The following ACTR3C variants were observed in gnomAD, a reference collection of about 807,000 sequenced individuals.
ACTR3C encodes actin-related protein 3C.
Under a neutral mutation model 26.3 loss-of-function variants are expected in ACTR3C, and 18 were observed. The ratio of observed to expected loss-of-function variants is 0.68; its 90% CI spans 0.47 to 1.01. The LOEUF (loss-of-function observed/expected upper bound fraction) is 1.01, where lower values mean the gene tolerates loss of function less well. ACTR3C is among the 50% of genes least tolerant of loss of function. The pLI is 0.00. For missense variants in ACTR3C, 184 were observed against 250.7 expected (o/e 0.73, Z 1.80); for synonymous variants, 55 against 94.5 (o/e 0.58, Z 2.42).
At chr7:150,091,081 C>T in the ACTR3C span, among the ~76,000 whole-genome samples, 2 of 150,418 alleles carry the variant, frequency 1.3e-5, no homozygotes, top group African/African-American at 4.9e-5. Context: ...TGGAGAACAT[C>T]ATGAATTTCA....
At chr7:150,069,988 A>T in the ACTR3C span, among the ~76,000 whole-genome samples, 1 of 152,134 alleles carries the variant, frequency 6.6e-6, no homozygotes, top group African/African-American at 2.4e-5. Context: ...CGTCAGATCC[A>T]ATGGGGAAGC....
At chr7:149,960,832 T>C in the ACTR3C span, among the ~76,000 whole-genome samples, 43 of 152,330 alleles carry the variant, frequency 2.8e-4, no homozygotes, top group Admixed American at 5.2e-4. Context: ...TAAAGAATCA[T>C]GTGCAAGAAT....
the ACTR3C span, among the ~76,000 whole-genome samples, chr7:150,035,093 G>T: frequency 2.9e-5 from 4 of 138,478 alleles, 1 homozygote; most frequent in Non-Finnish European, 6.3e-5. Context: ...TTTCTACTTG[G>T]ACACCTAAAA....
chr7:150,255,869 C>A (rs1210265326), intron 6 of ACTR3C, among the ~76,000 whole-genome samples: 1 of 152,182 alleles, frequency 6.6e-6, no homozygotes, highest in East Asian at 1.9e-4. Context: ...ATTACAAATT[C>A]TATTTGACTG....
chr7:150,272,439 G>T (rs1834520471), intron 6 of ACTR3C, among the ~76,000 whole-genome samples: 1 of 139,418 alleles, frequency 7.2e-6, no homozygotes, highest in Non-Finnish European at 1.5e-5. Flanking sequence ...TTCAACTCAA[G>T]TGACTATCCA....
chr7:149,999,487 C>T, the ACTR3C span, among the ~76,000 whole-genome samples: 1 of 150,648 alleles, frequency 6.6e-6, no homozygotes, highest in African/African-American at 2.4e-5. Context: ...TGTTGTCAGA[C>T]TCAGCCTCTT....
chr7:150,208,203 G>C, the ACTR3C span, among the ~76,000 whole-genome samples: 1 of 152,152 alleles, frequency 6.6e-6, no homozygotes, highest in African/African-American at 2.4e-5. Context: ...GGGCCCAGGA[G>C]ACTCTGAGCT....
rs542569194 is a variant in ACTR3C, at chr7:150,300,093, C to T, written c.-51-4746G>A. Among the ~76,000 whole-genome samples, 226 of 152,232 alleles carry T rather than the reference C, an allele frequency of 1.5e-3. 2 individuals are homozygous for T. The highest frequency in any genetic ancestry group is 0.014 in the Admixed American group (207 of 15,290). On this transcript the variant is annotated intron_variant, in intron 1 of 7. Transcript: ENST00000683684. ...GCTAGCCGGGCGCAATGGCTCACAC[C>T]TATAATGCCAACACTTTAGGAGGCT...
intron 6 of ACTR3C, among the ~76,000 whole-genome samples, chr7:150,276,051 C>T (rs1352643052): frequency 2.0e-5 from 3 of 152,134 alleles, no homozygotes; most frequent in African/African-American, 7.2e-5. Flanking sequence ...TTTAAACCAC[C>T]TCTGCAGATG....
the ACTR3C span, among the ~76,000 whole-genome samples, chr7:149,895,885 G>A: frequency 5.3e-5 from 8 of 152,110 alleles, no homozygotes; most frequent in Non-Finnish European, 1.2e-4. Context: ...CCTTGTGACT[G>A]AATTTCAGGA....
At chr7:150,059,468 A>G in the ACTR3C span, among the ~76,000 whole-genome samples, 4 of 152,146 alleles carry the variant, frequency 2.6e-5, no homozygotes, top group African/African-American at 9.7e-5. Context: ...CTGGAGGCAA[A>G]TGTGTGTCAA....
the ACTR3C span, among the ~76,000 whole-genome samples, chr7:150,023,306 G>T: frequency 4.1e-5 from 2 of 48,636 alleles, no homozygotes; most frequent in African/African-American, 1.5e-4. Flanking sequence ...TAGATAGATA[G>T]ATAGATAGAT....
At chr7:150,019,140 G>A in the ACTR3C span, among the ~76,000 whole-genome samples, 1 of 150,270 alleles carries the variant, frequency 6.7e-6, no homozygotes, top group East Asian at 1.9e-4. Flanking sequence ...ACATGAAAGA[G>A]ATGATATATA....
In ACTR3C at chr7:150,253,015, G is replaced by A. The variant is rs1832959153; in HGVS notation, c.565-3961C>T. 1.3e-5 allele frequency among the ~76,000 whole-genome samples: 2 copies of A among 151,554 alleles called. 1 individual carries two copies. Among genetic ancestry groups the A allele is most frequent in the African/African-American group, 4.9e-5 (2 of 40,800 alleles). ...ACTCTTTTCTGCAGGTTGTGGATGA[G>A]AGAGCTGCCCCATGGCTGGGCTGTT... On this transcript the variant is annotated intron_variant, in intron 6 of 7. Transcript: ENST00000683684.
At chr7:149,961,640 A>G in the ACTR3C span, among the ~76,000 whole-genome samples, 1 of 151,868 alleles carries the variant, frequency 6.6e-6, no homozygotes, top group Non-Finnish European at 1.5e-5. Flanking sequence ...GCTCACAGGA[A>G]GTATACACAT....
chr7:149,983,429 T>TTGTATGTATGTGTGTGTGTG, the ACTR3C span, among the ~76,000 whole-genome samples: 3 of 15,640 alleles, frequency 1.9e-4, no homozygotes, highest in African/African-American at 4.2e-4. Flanking sequence ...GGTGTGTGTG[T>TTGTATGTATGTGTGTGTGTG]TGTGTGTATG....
At chr7:150,036,680 T>C in the ACTR3C span, among the ~76,000 whole-genome samples, 40 of 139,464 alleles carry the variant, frequency 2.9e-4, 3 homozygotes, top group African/African-American at 8.3e-4. Context: ...CTCCGGTAGA[T>C]TGCAAATAAC....
the ACTR3C span, among the ~76,000 whole-genome samples, chr7:150,039,547 G>A: frequency 1.1e-4 from 12 of 108,168 alleles, no homozygotes; most frequent in African/African-American, 3.7e-4. Flanking sequence ...GGTCCCCAGA[G>A]CCAGGGGGGG....
intron 4 of ACTR3C, among the ~76,000 whole-genome samples, chr7:150,287,225 C>G (rs1250848829): frequency 5.3e-5 from 8 of 151,744 alleles, no homozygotes; most frequent in Admixed American, 2.0e-4. Context: ...AGATCCCTGC[C>G]AAGATTACAC....
Sources: gnomAD v4.1 joint callset for allele counts (sites outside exome capture counted in the v4.1 genomes callset) on GRCh38, gnomAD v4.1.1 for gene constraint, MANE v1.5 for transcripts, NCBI Gene and HGNC (gene_info 2026-07-23, HGNC 2026-07-21) for gene names.